Variants in DAB1 observed in about 807,000 individuals in gnomAD.
DAB1 encodes DAB adaptor protein 1.
In DAB1, 15 loss-of-function variants were observed where a neutral mutation model predicts 64.6. That is an observed-to-expected ratio of 0.23 (90% CI 0.16 to 0.36). The LOEUF (loss-of-function observed/expected upper bound fraction) is 0.36, where lower values mean the gene tolerates loss of function less well. Ranked by LOEUF, DAB1 falls within the 10% of genes least tolerant of loss-of-function variation. The probability of loss-of-function intolerance (pLI) is 1.00; values close to 1 mark genes in which losing one functional copy is unlikely to be tolerated. For missense variants in DAB1, 596 were observed against 706.7 expected (o/e 0.84, Z 1.78); for synonymous variants, 235 against 251.9 (o/e 0.93, Z 0.64).
chr1:58,122,869 C>T (rs188846992), intron 5 of DAB1, among the ~76,000 whole-genome samples: 18 of 152,132 alleles, frequency 1.2e-4, no homozygotes, highest in East Asian at 7.7e-4. Flanking sequence ...TATTGCACTA[C>T]GGAAGAAATA....
chr1:58,295,427 GC>G (rs1661946483), intron 4 of DAB1, among the ~76,000 whole-genome samples: 2 of 152,116 alleles, frequency 1.3e-5, no homozygotes, highest in African/African-American at 2.4e-5. Flanking sequence ...GCAGGGGAAA[GC>G]ATTTTGTAAC....
intron 3 of DAB1, among the ~76,000 whole-genome samples, chr1:58,463,465 C>A (rs1645263696): frequency 6.6e-6 from 1 of 152,202 alleles, no homozygotes; most frequent in South Asian, 2.1e-4. Flanking sequence ...GAGAAGGAGG[C>A]TAAGGCTGCC....
intron 4 of DAB1, among the ~76,000 whole-genome samples, chr1:58,162,183 C>T (rs974571802): frequency 3.3e-5 from 5 of 152,090 alleles, no homozygotes; most frequent in Admixed American, 6.6e-5. Flanking sequence ...CTTAAAGTAA[C>T]GGGAAAAGAG....
intron 5 of DAB1, among the ~76,000 whole-genome samples, chr1:57,960,776 T>C (rs925275705): frequency 6.6e-6 from 1 of 152,218 alleles, no homozygotes; most frequent in African/African-American, 2.4e-5. Context: ...CTTCAATTCC[T>C]CCACAAACAT....
At chr1:58,489,941 T>C (rs1279636339) in intron 3 of DAB1, among the ~76,000 whole-genome samples, 4 of 152,142 alleles carry the variant, frequency 2.6e-5, no homozygotes, top group South Asian at 2.1e-4. Context: ...ACCCCATCTG[T>C]ACGTCACCAT....
At chr1:57,501,474 A>C (rs5020303) in intron 7 of DAB1, among the ~76,000 whole-genome samples, 7,879 of 152,296 alleles carry the variant, frequency 0.052, 681 homozygotes, top group African/African-American at 0.18. Flanking sequence ...AAGTGTTTTA[A>C]GCCATTTAAG....
chr1:58,408,331 A>C (rs1215864102), intron 3 of DAB1, among the ~76,000 whole-genome samples: 1 of 152,210 alleles, frequency 6.6e-6, no homozygotes. Flanking sequence ...TTCCTCACAC[A>C]GGCCTTCCCT....
At chr1:57,574,837 C>T (rs571744778) in intron 7 of DAB1, among the ~76,000 whole-genome samples, 1 of 152,280 alleles carries the variant, frequency 6.6e-6, no homozygotes, top group South Asian at 2.1e-4. Context: ...GGGATCAGGG[C>T]CTCCTGGGTA....
intron 2 of DAB1, among the ~76,000 whole-genome samples, chr1:57,245,207 A>T (rs952639873): frequency 1.3e-5 from 2 of 152,184 alleles, no homozygotes; most frequent in Non-Finnish European, 2.9e-5. Flanking sequence ...GATTGGTGGC[A>T]TTTTGCCCCT....
intron 9 of DAB1, among the ~76,000 whole-genome samples, chr1:57,059,621 G>A (rs1315114929): frequency 6.6e-6 from 1 of 152,102 alleles, no homozygotes; most frequent in Non-Finnish European, 1.5e-5. Context: ...TGGAAGGCAG[G>A]AAGATCTCAG....
At chr1:58,384,039 C>T (rs1644412538) in intron 3 of DAB1, among the ~76,000 whole-genome samples, 1 of 151,928 alleles carries the variant, frequency 6.6e-6, no homozygotes, top group Non-Finnish European at 1.5e-5. Flanking sequence ...CTCACCAACA[C>T]TTGTTATCTT....
intron 6 of DAB1, among the ~76,000 whole-genome samples, chr1:57,799,597 T>G (rs1431577832): frequency 6.7e-6 from 1 of 150,230 alleles, no homozygotes; most frequent in Non-Finnish European, 1.5e-5. Context: ...GGGGGGGCTT[T>G]CAGGAAGATT....
intron 7 of DAB1, among the ~76,000 whole-genome samples, chr1:57,637,938 G>T (rs1055973152): frequency 6.6e-6 from 1 of 152,108 alleles, no homozygotes. Context: ...TTACTCAATG[G>T]AATATTATTC....
At chr1:57,857,694 T>C (rs991728359) in intron 1 of DAB1, among the ~76,000 whole-genome samples, 6 of 152,128 alleles carry the variant, frequency 3.9e-5, no homozygotes, top group Non-Finnish European at 5.9e-5. Context: ...CCATCTACTA[T>C]TTACTAAGTA....
chr1:58,313,635 C>G (rs916658060), intron 4 of DAB1, among the ~76,000 whole-genome samples: 1 of 152,148 alleles, frequency 6.6e-6, no homozygotes, highest in South Asian at 2.1e-4. Context: ...ACAAAAGTAA[C>G]CCGGTGTGTC....
chr1:57,549,719 A>G (rs1158948755), intron 7 of DAB1, among the ~76,000 whole-genome samples: 1 of 152,242 alleles, frequency 6.6e-6, no homozygotes, highest in Non-Finnish European at 1.5e-5. Flanking sequence ...AATAGACCTT[A>G]TTCAGGTCAG....
chr1:57,825,401 G>T (rs79495396), downstream of DAB1, among the ~76,000 whole-genome samples: 328 of 152,306 alleles, frequency 2.2e-3, 1 homozygote, highest in African/African-American at 7.5e-3. Flanking sequence ...ATTAGAGGAG[G>T]CAGGACTGTA....
intron 4 of DAB1, among the ~76,000 whole-genome samples, chr1:58,167,966 A>G (rs1324068608): frequency 6.6e-6 from 1 of 152,216 alleles, no homozygotes; most frequent in Non-Finnish European, 1.5e-5. Flanking sequence ...CGAGACAAAG[A>G]ACCCACTGGA....
chr1:57,577,293 A>G (rs1645261750), intron 7 of DAB1, among the ~76,000 whole-genome samples: 1 of 152,156 alleles, frequency 6.6e-6, no homozygotes, highest in Non-Finnish European at 1.5e-5. Flanking sequence ...GTATTAGAAA[A>G]GTTCCCATTT....
Sources: allele counts gnomAD v4.1 joint callset (sites outside exome capture counted in the v4.1 genomes callset), GRCh38; gene constraint gnomAD v4.1.1; transcripts MANE v1.5; gene names NCBI Gene and HGNC (gene_info 2026-07-23, HGNC 2026-07-21).